NR3C1: variants seen among roughly 807,000 people sequenced by gnomAD.
The protein encoded by NR3C1 is nuclear receptor subfamily 3 group C member 1, also known as glucocorticoid receptor.
Under a neutral mutation model 74.0 loss-of-function variants are expected in NR3C1, and 14 were observed. The observed-to-expected ratio is 0.19, with a 90% CI of 0.12 to 0.30. The LOEUF is 0.30. NR3C1 is among the 10% of genes least tolerant of loss of function. The pLI is 1.00. For missense variants in NR3C1, 695 were observed against 909.8 expected (o/e 0.76, Z 3.04); for synonymous variants, 308 against 332.5 (o/e 0.93, Z 0.80).
intron 4 of NR3C1, among the ~76,000 whole-genome samples, chr5:143,309,692 A>C (rs957628453): frequency 6.6e-6 from 1 of 152,176 alleles, no homozygotes; most frequent in Non-Finnish European, 1.5e-5. Context: ...TCCAAGTAAA[A>C]GGTATGCTTT....
At chr5:143,311,140 T>G (rs139539901) in intron 3 of NR3C1, among the ~76,000 whole-genome samples, 14 of 152,324 alleles carry the variant, frequency 9.2e-5, no homozygotes, top group African/African-American at 3.1e-4. Flanking sequence ...TCTATAAATA[T>G]CCTAGCTTCT....
chr5:143,344,124 T>C (rs1828767250), intron 2 of NR3C1, among the ~76,000 whole-genome samples: 1 of 152,198 alleles, frequency 6.6e-6, no homozygotes, highest in African/African-American at 2.4e-5. Context: ...AATTTAAACA[T>C]TTTTAAACAT....
At position 143,402,764 on chromosome 5, in the gene NR3C1, CGCGCTCGGGCGCGCCGGGGTG is replaced by C. The variant is rs1410447917; in HGVS notation, c.-14+426_-14+446del. On this transcript the variant is annotated intron_variant, in intron 1 of 8. Coordinates refer to ENST00000394464, the MANE Select transcript of NR3C1 (RefSeq NM_000176.3). ...CCGGGGCCTCCCCGGAGCCCGGGCT[CGCGCTCGGGCGCGCCGGGGTG>C]GCGTGCAAATATTCGGGCGAGTAAA... The C allele has an allele frequency of 4.1e-6, 4 of 985,310 alleles. No homozygotes were observed. The African/African-American group carries it at 5.2e-5, about 13-fold the overall frequency. The allele number at this position is 985,310 out of a possible 1,614,324, so 61.0% of individuals were successfully genotyped here.
intron 2 of NR3C1, among the ~76,000 whole-genome samples, chr5:143,341,797 A>G (rs1467020240): frequency 6.6e-6 from 1 of 152,228 alleles, no homozygotes; most frequent in Non-Finnish European, 1.5e-5. Flanking sequence ...ATATAAAATT[A>G]TAATTTACAA....
At chr5:143,370,556 A>G (rs1483058905) in intron 2 of NR3C1, among the ~76,000 whole-genome samples, 1 of 152,230 alleles carries the variant, frequency 6.6e-6, no homozygotes, top group African/African-American at 2.4e-5. Flanking sequence ...GTCATGAGAC[A>G]TGAAGCCAAC....
intron 2 of NR3C1, among the ~76,000 whole-genome samples, chr5:143,340,727 C>A (rs187489919): frequency 6.6e-6 from 1 of 152,056 alleles, no homozygotes; most frequent in East Asian, 1.9e-4. Context: ...GTGATCCGCC[C>A]GGCTTGGCCT....
chr5:143,400,829 T>C lies in NR3C1; in HGVS notation c.11A>G (p.Lys4Arg). The change falls in exon 2 of 9, where the codon AAA becomes AGA. Residue 4 changes from lysine to arginine, a missense_variant. Physicochemically the swap from Lys to Arg is conservative, Grantham distance 26 (BLOSUM62 2). Coordinates refer to ENST00000394464, the MANE Select transcript of NR3C1 (RefSeq NM_000176.3). ...TTCTCTACCAGGAGTTAATGATTCT[T>C]TGGAGTCCATCAGTGAATATCAACT... The part of the protein sequence containing the change: MDS[K>R]ESLTPGREEN... The C allele has an allele frequency of 6.2e-7, 1 of 1,613,760 alleles. No homozygotes were observed. The highest frequency in any genetic ancestry group is 1.1e-5 in the South Asian group (1 of 91,082).
At chr5:143,328,759 G>T (rs1227448542) in intron 2 of NR3C1, among the ~76,000 whole-genome samples, 1 of 152,150 alleles carries the variant, frequency 6.6e-6, no homozygotes, top group Non-Finnish European at 1.5e-5. Flanking sequence ...GTAAAATGCT[G>T]CCAGTCTTTT....
At chr5:143,306,047 T>A (rs1413056407) in intron 4 of NR3C1, among the ~76,000 whole-genome samples, 1 of 152,108 alleles carries the variant, frequency 6.6e-6, no homozygotes, top group Non-Finnish European at 1.5e-5. Context: ...TTACAATATA[T>A]CTTAAAATGA....
At chr5:143,338,887 A>T (rs1827683754) in intron 2 of NR3C1, among the ~76,000 whole-genome samples, 1 of 152,194 alleles carries the variant, frequency 6.6e-6, no homozygotes, top group South Asian at 2.1e-4. Context: ...TGGAAGCCCT[A>T]TTCACAGTAA....
At chr5:143,413,978 C>T (rs1226126845) in intron 1 of NR3C1, among the ~76,000 whole-genome samples, 1 of 152,138 alleles carries the variant, frequency 6.6e-6, no homozygotes, top group East Asian at 1.9e-4. Flanking sequence ...GTGACATAAA[C>T]ATCATATTTT....
chr5:143,340,758 G>C (rs1828054236), intron 2 of NR3C1, among the ~76,000 whole-genome samples: 3 of 152,096 alleles, frequency 2.0e-5, no homozygotes, highest in African/African-American at 7.2e-5. Flanking sequence ...TGGGGTTACA[G>C]ACATGGGCCA....
intron 2 of NR3C1, among the ~76,000 whole-genome samples, chr5:143,368,455 A>G (rs989463691): frequency 6.6e-6 from 1 of 152,018 alleles, no homozygotes; most frequent in African/African-American, 2.4e-5. Flanking sequence ...AATGGGAGAA[A>G]TTGTCCTCAA....
chr5:143,366,255 T>C (rs954897556), intron 2 of NR3C1, among the ~76,000 whole-genome samples: 1 of 152,100 alleles, frequency 6.6e-6, no homozygotes, highest in Non-Finnish European at 1.5e-5. Context: ...ACACCTGTAA[T>C]CCCAGCACTT....
intron 4 of NR3C1, among the ~76,000 whole-genome samples, chr5:143,307,028 C>G (rs1461327533): frequency 6.6e-6 from 1 of 151,784 alleles, no homozygotes; most frequent in African/African-American, 2.4e-5. Context: ...TCCCGAGTAG[C>G]TGGGACTACA....
At chr5:143,302,222 T>C (rs1818646055) in intron 4 of NR3C1, among the ~76,000 whole-genome samples, 1 of 152,140 alleles carries the variant, frequency 6.6e-6, no homozygotes, top group Non-Finnish European at 1.5e-5. Context: ...GTAAAATGCT[T>C]AGAACAGTTC....
chr5:143,314,254 GA>G, intron 2 of NR3C1, 86 bp from the exon 3 acceptor site: 2 of 1,416,476 alleles, frequency 1.4e-6, no homozygotes, highest in Non-Finnish European at 2.0e-6. Context: ...TTCATAGTCA[GA>G]ATGCTCACAG....
chr5:143,402,525 G>A lies in NR3C1; in HGVS notation c.-14+686C>T, dbSNP rs1840485315. ...CCTCAGGCGCGAATTAACAACAAAC[G>A]CTAAAGAGCAAGCCCTTGCGGGGCG... On this transcript the variant is annotated intron_variant, in intron 1 of 8. Coordinates refer to ENST00000394464, the MANE Select transcript of NR3C1 (RefSeq NM_000176.3). The A allele has an allele frequency of 1.3e-5, 12 of 914,146 alleles. 1 individual carries two copies. The South Asian group carries it at 6.0e-4, about 46-fold the overall frequency. The allele number at this position is 914,146 out of a possible 1,614,324, so 56.6% of individuals were successfully genotyped here. A position where few individuals can be genotyped will look rare whatever the true frequency, so the allele number is the denominator to read the frequency against.
At chr5:143,426,440 T>C (rs1167871723) in intron 1 of NR3C1, among the ~76,000 whole-genome samples, 1 of 152,230 alleles carries the variant, frequency 6.6e-6, no homozygotes, top group Non-Finnish European at 1.5e-5. Flanking sequence ...CCTATTTTCT[T>C]TGGAATGTTG....
Sources: allele counts gnomAD v4.1 joint callset (sites outside exome capture counted in the v4.1 genomes callset), GRCh38; gene constraint gnomAD v4.1.1; transcripts MANE v1.5; gene names NCBI Gene and HGNC (gene_info 2026-07-23, HGNC 2026-07-21).